Variants in ASB17 observed in about 807,000 individuals in gnomAD.
ASB17 encodes the protein ankyrin repeat and SOCS box protein 17.
A neutral mutation model predicts 25.7 loss-of-function variants in ASB17; 26 were observed. The ratio of observed to expected loss-of-function variants is 1.01; its 90% CI spans 0.74 to 1.40. The LOEUF (loss-of-function observed/expected upper bound fraction) is 1.40, where lower values mean the gene tolerates loss of function less well. Ranked by LOEUF, ASB17 falls within the 40% of genes most tolerant of loss-of-function variation. The probability of loss-of-function intolerance (pLI) is 0.00; values close to 1 mark genes in which losing one functional copy is unlikely to be tolerated. For synonymous variants in ASB17, 128 were observed against 121.4 expected, an observed-to-expected ratio of 1.05 and a Z score of -0.36; for missense variants, 326 against 338.5, an observed-to-expected ratio of 0.96 and a Z score of 0.29.
intron 1 of ASB17, 53 bp downstream of exon 1, chr1:75,931,838 T>C: frequency 6.7e-6 from 10 of 1,481,908 alleles, no homozygotes; most frequent in Non-Finnish European, 9.0e-6. Flanking sequence ...AGCACTCTAC[T>C]CTCGTAAAGA....
intron 1 of ASB17, among the ~76,000 whole-genome samples, chr1:75,928,465 C>T (rs10873804): frequency 6.6e-6 from 1 of 151,864 alleles, no homozygotes; most frequent in Admixed American, 6.6e-5. Flanking sequence ...AGTTTCTTCC[C>T]CTCGTTAATT....
chr1:75,924,089 G>A (rs1411324953), intron 1 of ASB17, among the ~76,000 whole-genome samples: 1 of 151,970 alleles, frequency 6.6e-6, no homozygotes, highest in Non-Finnish European at 1.5e-5. Context: ...ATTTCCTATA[G>A]GTTATCCAGA....
At chr1:75,924,938 CATT>C (rs1445364342) in intron 1 of ASB17, among the ~76,000 whole-genome samples, 10 of 152,156 alleles carry the variant, frequency 6.6e-5, no homozygotes, top group African/African-American at 1.9e-4. Flanking sequence ...TACCTACCTA[CATT>C]AAATTTGTAT....
At chr1:75,920,480 A>G (rs1652996997) in intron 2 of ASB17, among the ~76,000 whole-genome samples, 1 of 152,230 alleles carries the variant, frequency 6.6e-6, no homozygotes, top group Non-Finnish European at 1.5e-5. Flanking sequence ...TAAAATAGAC[A>G]CATCCTCTGT....
chr1:75,930,595 G>A (rs1034995757), intron 1 of ASB17, among the ~76,000 whole-genome samples: 4 of 152,026 alleles, frequency 2.6e-5, no homozygotes, highest in Admixed American at 2.6e-4. Flanking sequence ...GAACTGGCCT[G>A]TAATGGGTTT....
chr1:75,928,468 C>T (rs961042588), intron 1 of ASB17, among the ~76,000 whole-genome samples: 1 of 152,122 alleles, frequency 6.6e-6, no homozygotes, highest in Non-Finnish European at 1.5e-5. Context: ...TTCTTCCCCT[C>T]GTTAATTCTA....
chr1:75,930,320 A>G (rs1653290377), intron 1 of ASB17, among the ~76,000 whole-genome samples: 1 of 147,092 alleles, frequency 6.8e-6, no homozygotes, highest in South Asian at 2.1e-4. Flanking sequence ...ATGTATATAT[A>G]TAACTACATA....
intron 2 of ASB17, among the ~76,000 whole-genome samples, chr1:75,919,645 T>G (rs1652976684): frequency 6.6e-6 from 1 of 152,212 alleles, no homozygotes; most frequent in South Asian, 2.1e-4. Flanking sequence ...TGTTTGGTTT[T>G]TTGTTCTTGC....
In ASB17 at chr1:75,922,332, G is replaced by T. The variant is rs192994746; in HGVS notation, c.429C>A (p.Ser143Arg). The change falls in exon 2 of 3, where the codon AGC becomes AGA. Residue 143 changes from serine (S) to arginine (R), a missense_variant. Physicochemically the swap from Ser to Arg is moderately radical, Grantham distance 110. Coordinates refer to ENST00000284142, the MANE Select transcript of ASB17 (RefSeq NM_080868.3). ...WRTFTPVYCP[S>R]PLSGITPLFY... The stretch of plus-strand genomic sequence containing the variant: ...AGAGAGGTGTGATGCCACTTAATGG[G>T]CTTGGACAGTATACTGGTGTGAAAG... 2 of 1,612,338 alleles carry T rather than the reference G, an allele frequency of 1.2e-6. No individual in the cohort carries two copies. The highest frequency in any genetic ancestry group is 1.3e-5 in the African/African-American group (1 of 74,790).
At chr1:75,926,549 A>G (rs1190850899) in intron 1 of ASB17, among the ~76,000 whole-genome samples, 1 of 152,220 alleles carries the variant, frequency 6.6e-6, no homozygotes, top group South Asian at 2.1e-4. Flanking sequence ...TTAGAGCCTT[A>G]TGGATCACTG....
chr1:75,927,778 A>G (rs370075602), intron 1 of ASB17, among the ~76,000 whole-genome samples: 23 of 152,222 alleles, frequency 1.5e-4, no homozygotes, highest in Non-Finnish European at 2.6e-4. Context: ...CCAAAATCCA[A>G]TCTTCAAATG....
chr1:75,920,659 C>A (rs1653001713), intron 2 of ASB17, among the ~76,000 whole-genome samples: 1 of 152,226 alleles, frequency 6.6e-6, no homozygotes, highest in South Asian at 2.1e-4. Flanking sequence ...CTGCTCAATG[C>A]TATTTTACTT....
intron 2 of ASB17, 119 bp from the exon 3 acceptor site, chr1:75,919,277 A>G (rs1403918671): frequency 1.3e-6 from 1 of 759,426 alleles, no homozygotes; most frequent in Non-Finnish European, 2.0e-6. Flanking sequence ...TAAAACCCTT[A>G]TAACTTTTTT....
rs539508560 is a variant in ASB17 at position 75,932,386 on chromosome 1, A to G, written c.-95T>C. 8.4e-7 allele frequency: 1 copy of G among 1,186,596 alleles called. No individual in the cohort carries two copies. The allele number at this position is 1,186,596 out of a possible 1,614,324, so 73.5% of individuals were successfully genotyped here. A position where few individuals can be genotyped will look rare whatever the true frequency, so the allele number is the denominator to read the frequency against. ...TTGACAATGTGGCAGGCTTTACTCC[A>G]CAAACAGAAGTGCCCTTTAAACTGT... On this transcript the variant is annotated 5_prime_UTR_variant, in exon 1 of 3. Coordinates refer to ENST00000284142, the MANE Select transcript of ASB17 (RefSeq NM_080868.3).
chr1:75,922,102 A>G lies in ASB17; in HGVS notation c.659T>C (p.Val220Ala). The G allele has an allele frequency of 6.2e-7, 1 of 1,608,208 alleles. No individual in the cohort carries two copies. Among genetic ancestry groups the G allele is most frequent in the Non-Finnish European group, 8.5e-7 (1 of 1,176,304 alleles). ...TACCTTTATTTCCTTGACTGAAATG[A>G]CAGAAAGCACTCTGGAACATAGTAC... is the stretch of plus-strand genomic sequence containing the variant. ...CLVLCSRVLS[V>A]ISVKEIKTQL... Residue 220 changes from valine (V) to alanine (A), a missense_variant, in exon 2 of 3, where the codon GTC becomes GCC. Val to Ala is a moderately conservative substitution (Grantham distance 64). Transcript: ENST00000284142.
At chr1:75,931,523 T>C (rs944851647) in intron 1 of ASB17, among the ~76,000 whole-genome samples, 7 of 152,198 alleles carry the variant, frequency 4.6e-5, no homozygotes, top group African/African-American at 1.7e-4. Context: ...ATGTTCCCAA[T>C]TGTACTTTGA....
intron 2 of ASB17, 75 bp downstream of exon 2, chr1:75,922,005 G>A (rs1276771870): frequency 7.9e-7 from 1 of 1,265,436 alleles, no homozygotes; most frequent in East Asian, 2.4e-5. Flanking sequence ...AAAATTAACT[G>A]TATTCTTTCC....
At chr1:75,921,903 T>G (rs566101407) in intron 2 of ASB17, among the ~76,000 whole-genome samples, 177 bp downstream of exon 2, 3 of 152,104 alleles carry the variant, frequency 2.0e-5, no homozygotes, top group Non-Finnish European at 4.4e-5. Context: ...TCTAAAAACA[T>G]AAGAAGTAAA....
intron 1 of ASB17, among the ~76,000 whole-genome samples, chr1:75,929,210 T>A (rs1219901277): frequency 6.6e-6 from 1 of 151,170 alleles, no homozygotes; most frequent in East Asian, 2.0e-4. Context: ...TTTATTTTTT[T>A]TTATTTATTT....
Sources: allele counts gnomAD v4.1 joint callset (sites outside exome capture counted in the v4.1 genomes callset), GRCh38; gene constraint gnomAD v4.1.1; transcripts MANE v1.5; gene names NCBI Gene and HGNC (gene_info 2026-07-23, HGNC 2026-07-21).